The following ERCC5 variants were observed in gnomAD, a reference collection of about 807,000 sequenced individuals.
ERCC5 encodes DNA excision repair protein ERCC-5.
A neutral mutation model predicts 105.6 loss-of-function variants in ERCC5; 68 were observed. The ratio of observed to expected loss-of-function variants is 0.64; its 90% CI spans 0.53 to 0.79. The LOEUF is 0.79. Ranked by LOEUF, ERCC5 falls within the 30% of genes least tolerant of loss-of-function variation. The pLI, the probability that ERCC5 is intolerant of heterozygous loss-of-function variation, is 0.00. For missense variants in ERCC5, 1,373 were observed against 1,426.7 expected (o/e 0.96, Z 0.61); for synonymous variants, 546 against 526.2 (o/e 1.04, Z -0.51).
chr13:102,852,427 ATC>A (rs1319920710), intron 2 of ERCC5, 134 bp downstream of exon 2: 14 of 995,886 alleles, frequency 1.4e-5, no homozygotes, highest in Non-Finnish European at 1.9e-5. Flanking sequence ...ACTTAATTAC[ATC>A]TACTTTTTTA....
chr13:102,855,732 C>T (rs2140520608), intron 4 of ERCC5, among the ~76,000 whole-genome samples: 1 of 152,334 alleles, frequency 6.6e-6, no homozygotes, highest in East Asian at 1.9e-4. Context: ...CCTACAACTA[C>T]ACTCATTAAT....
chr13:102,857,384 G>T (rs949874084), intron 5 of ERCC5, among the ~76,000 whole-genome samples: 2 of 152,088 alleles, frequency 1.3e-5, no homozygotes, highest in Non-Finnish European at 1.5e-5. Flanking sequence ...AAACGAAATT[G>T]ATATCAATGC....
Position 102,852,384 on chromosome 13 carries a change from T to G in ERCC5, c.264+91T>G, listed in dbSNP as rs948766531. On this transcript the variant is annotated intron_variant, in intron 2 of 14. Transcript: ENST00000652225. ...TCACATAAAATTTTTGTTTTCTCTT[T>G]AGAATTTTAGAAACAGACTTATTTT... 2.2e-5 allele frequency: 31 copies of G among 1,434,804 alleles called. No homozygotes were observed. In the African/African-American group the frequency reaches 4.5e-4, roughly 21 times the overall value. The allele number at this position is 1,434,804 out of a possible 1,614,324, so 88.9% of individuals were successfully genotyped here.
In ERCC5 at chr13:102,854,182, G is replaced by A. The variant is rs904567337; in HGVS notation, c.381-106G>A. The stretch of plus-strand genomic sequence containing the variant: ...CAAGGTTCCTTCCTTTCTCTCGGCT[G>A]CATTTATTTTCCACAGCAGTGGCCT... On this transcript the variant is annotated intron_variant, in intron 3 of 14. Coordinates refer to ENST00000652225, the MANE Select transcript of ERCC5 (RefSeq NM_000123.4). 7 of 1,204,470 alleles carry A rather than the reference G, an allele frequency of 5.8e-6. No homozygotes were observed. In the East Asian group the frequency reaches 1.7e-4, roughly 29 times the overall value. The allele number at this position is 1,204,470 out of a possible 1,614,324, so 74.6% of individuals were successfully genotyped here.
intron 1 of ERCC5, among the ~76,000 whole-genome samples, chr13:102,847,853 T>C (rs1206010596): frequency 2.6e-5 from 4 of 152,158 alleles, no homozygotes; most frequent in African/African-American, 9.7e-5. Context: ...TAGCAGCCCT[T>C]GTGAAGAATT....
chr13:102,869,915 C>T (rs911039718), intron 12 of ERCC5, among the ~76,000 whole-genome samples: 2 of 152,138 alleles, frequency 1.3e-5, no homozygotes, highest in Non-Finnish European at 2.9e-5. Context: ...AGTTTTTGCT[C>T]GTTTGTTGCC....
chr13:102,872,114 T>A lies in ERCC5; in HGVS notation c.2679-84T>A. ...ATTTGAGTTAGAACTTGAGTTTACA[T>A]GTTCTAAGTTTAGTTCTTCATCCAT... On this transcript the variant is annotated intron_variant, in intron 12 of 14. Coordinates refer to ENST00000652225, the MANE Select transcript of ERCC5 (RefSeq NM_000123.4). The A allele has an allele frequency of 2.7e-6, 4 of 1,475,716 alleles. No individual in the cohort carries two copies. In the South Asian group the frequency reaches 4.8e-5, roughly 18 times the overall value. 91.4% of individuals were successfully genotyped at this position (1,475,716 alleles called of 1,614,324 possible).
intron 13 of ERCC5, 132 bp downstream of exon 13, chr13:102,872,530 C>T (rs921228995): frequency 2.2e-5 from 24 of 1,090,994 alleles, no homozygotes; most frequent in Middle Eastern, 5.4e-4. Context: ...ATCCCGCTCT[C>T]CTTTTCACTC....
rs1883184040 is a variant in ERCC5 at position 102,875,443 on chromosome 13, T to C, written c.3101T>C (p.Ile1034Thr). 3 of 1,614,134 alleles carry C rather than the reference T, an allele frequency of 1.9e-6. No homozygotes were observed. The highest frequency in any genetic ancestry group is 1.1e-5 in the South Asian group (1 of 91,084). Residue 1034 changes from isoleucine to threonine, a missense_variant, in exon 15 of 15, where the codon ATA becomes ACA. This residue lies in a region of ERCC5 where 367 missense variants were observed against 350.2 expected (regional missense o/e 1.05). Transcript: ENST00000652225. ...GAGAAAGAAGCAGCAGCCAGCGAAA[T>C]AGAAGCAGTTTCTGTTGCCATGGAG... is the stretch of plus-strand genomic sequence containing the variant. ...RKEKEAAASE[I>T]EAVSVAMEKE...
chr13:102,859,835 A>G (rs1453513469), intron 6 of ERCC5, among the ~76,000 whole-genome samples: 2 of 152,252 alleles, frequency 1.3e-5, no homozygotes, highest in African/African-American at 2.4e-5. Context: ...TCATAATACC[A>G]TAGTTCCACT....
Position 102,862,554 on chromosome 13 carries a change from G to C in ERCC5, c.1405G>C (p.Asp469His). The change falls in exon 8 of 15, where the codon GAC (aspartate) becomes CAC (histidine). Residue 469 changes from aspartate to histidine, a missense_variant. Physicochemically the swap from Asp to His is moderately conservative, Grantham distance 81. Transcript: ENST00000652225. ...CACTAATGAGGGGAGAGAGCCCACA[G>C]ACTCAGTTCCAAAAGAACAAATGTC... ...ASTNEGREPTDSVPKEQMSLV... is the reference protein window; with the variant it reads ...ASTNEGREPTHSVPKEQMSLV... The C allele has an allele frequency of 6.2e-7, 1 of 1,614,176 alleles. No individual in the cohort carries two copies.
rs769146699 is a variant in ERCC5 at position 102,875,646 on chromosome 13, A to G, written c.3304A>G (p.Ser1102Gly). ...CTCAGAATCATCTGATGGATCTTCA[A>G]GTGAAGATGCTGAAAGTTCATCTTT... Reference protein sequence around the residue: ...CLSESSDGSSSEDAESSSLMN... With the variant: ...CLSESSDGSSGEDAESSSLMN... The change falls in exon 15 of 15, where the codon AGT (serine) becomes GGT (glycine). Residue 1102 changes from serine (S) to glycine (G), a missense_variant. Transcript: ENST00000652225. The G allele has an allele frequency of 7.4e-6, 12 of 1,614,062 alleles. No individual in the cohort carries two copies. The highest frequency in any genetic ancestry group is 6.7e-5 in the African/African-American group (5 of 74,942).
At chr13:102,864,415 G>A (rs1475665602) in intron 8 of ERCC5, among the ~76,000 whole-genome samples, 1 of 152,080 alleles carries the variant, frequency 6.6e-6, no homozygotes, top group African/African-American at 2.4e-5. Flanking sequence ...CTCCTATGAG[G>A]AAGATCTTTT....
In ERCC5 at chr13:102,861,610, C is replaced by T; in HGVS notation, c.776C>T (p.Ser259Leu). ...CAAAAGGAAATGAATCAGCAACATT[C>T]AGGACACATCCGAAGGCAGTATGAA... ...HVQKEMNQQH[S>L]GHIRRQYEDE... The change falls in exon 7 of 15, where the codon TCA becomes TTA. Residue 259 changes from serine to leucine, a missense_variant. Around this residue, in one of 3 missense-constraint regions of ERCC5, gnomAD observed 1,004 missense variants for 1,059.7 expected, o/e 0.95. Coordinates refer to ENST00000652225, the MANE Select transcript of ERCC5 (RefSeq NM_000123.4). 1 of 1,614,100 alleles carries T rather than the reference C, an allele frequency of 6.2e-7. No individual in the cohort carries two copies. Among genetic ancestry groups the T allele is most frequent in the East Asian group, 2.2e-5 (1 of 44,864 alleles).
rs1468211891 is a variant in ERCC5, at chr13:102,862,504, ACT to A, written c.1358_1359del (p.Ser453CysfsTer9). Reference sequence around the variant, plus strand: ...GCAACACTTGCGTCATCTAGTGTGAACTCTGCAGAGGAGCACGTAGCCAGCAC... The same window carrying A: ...GCAACACTTGCGTCATCTAGTGTGAACTGCAGAGGAGCACGTAGCCAGCAC... On this transcript the variant is annotated frameshift_variant, in exon 8 of 15. Transcript: ENST00000652225. LOFTEE classifies it high-confidence loss of function. 1 of 1,614,168 alleles carries A rather than the reference ACT, an allele frequency of 6.2e-7. No homozygotes were observed. The highest frequency in any genetic ancestry group is 1.7e-5 in the Admixed American group (1 of 60,020).
At chr13:102,855,737 A>T (rs1335248029) in intron 4 of ERCC5, among the ~76,000 whole-genome samples, 2 of 152,196 alleles carry the variant, frequency 1.3e-5, no homozygotes, top group Non-Finnish European at 1.5e-5. Flanking sequence ...AACTACACTC[A>T]TTAATTCGTG....
At chr13:102,875,231 T>G in intron 14 of ERCC5, 76 bp from the exon 15 acceptor site, 2 of 1,503,198 alleles carry the variant, frequency 1.3e-6, no homozygotes, top group Non-Finnish European at 1.8e-6. Context: ...TGATCAAGGT[T>G]GAGCTTGTTG....
chr13:102,847,584 G>A (rs1261680813), intron 1 of ERCC5, among the ~76,000 whole-genome samples: 1 of 152,106 alleles, frequency 6.6e-6, no homozygotes, highest in Non-Finnish European at 1.5e-5. Context: ...TTTTGCAAGT[G>A]AATAATCTTT....
Position 102,854,347 on chromosome 13 carries a change from C to T in ERCC5, c.440C>T (p.Pro147Leu), listed in dbSNP as rs1431057578. 3 of 1,614,136 alleles carry T rather than the reference C, an allele frequency of 1.9e-6. No homozygotes were observed. The highest frequency in any genetic ancestry group is 2.5e-6 in the Non-Finnish European group (3 of 1,180,016). The change falls in exon 4 of 15, where the codon CCT becomes CTT. Residue 147 changes from proline (P) to leucine (L), a missense_variant. Physicochemically the swap from Pro to Leu is moderately conservative, Grantham distance 98 (BLOSUM62 -3). Transcript: ENST00000652225. ...AGAGAAAACGACCTCTATGTTTTGC[C>T]TCCTTTACAAGAGGAAGAAAAACAC... ...VRRENDLYVL[P>L]PLQEEEKHSS... is the part of the protein sequence containing the mutation.
Sources: allele counts gnomAD v4.1 joint callset (sites outside exome capture counted in the v4.1 genomes callset), GRCh38; gene constraint gnomAD v4.1.1; regional missense constraint gnomAD v4.1.1; transcripts MANE v1.5; gene names NCBI Gene and HGNC (gene_info 2026-07-23, HGNC 2026-07-21).